Variants in SERF1B observed in about 807,000 individuals in gnomAD.
SERF1B encodes the protein small EDRK-rich factor 1B, also known as small EDRK-rich factor 1.
chr5:70,036,594 T>TACACACACAC (rs1212936359), intron 2 of SERF1B, among the ~76,000 whole-genome samples: 22 of 106,380 alleles, frequency 2.1e-4, no homozygotes, highest in African/African-American at 8.9e-4. Flanking sequence ...TCTCAAAACA[T>TACACACACAC]ACACACACAC....
intron 2 of SERF1B, among the ~76,000 whole-genome samples, chr5:70,035,300 C>T (rs1227622287): frequency 2.4e-5 from 3 of 125,698 alleles, no homozygotes; most frequent in East Asian, 4.4e-4. Flanking sequence ...CTGCCTGCTT[C>T]GGCCTCCCAA....
At chr5:70,038,200 C>G (rs1774225044) in intron 2 of SERF1B, among the ~76,000 whole-genome samples, 1 of 151,094 alleles carries the variant, frequency 6.6e-6, no homozygotes, top group South Asian at 2.1e-4. Context: ...AAGTTTTTGT[C>G]AAATACTTTT....
At chr5:70,040,972 T>C (rs571198504) in intron 2 of SERF1B, among the ~76,000 whole-genome samples, 2 of 151,772 alleles carry the variant, frequency 1.3e-5, no homozygotes, top group East Asian at 3.9e-4. Context: ...CGTAACATTT[T>C]TATATATCTT....
chr5:70,041,110 GTTGTTT>G lies in SERF1B; in HGVS notation c.117-406_117-401del, dbSNP rs1394702106. 8.8e-5 allele frequency among the ~76,000 whole-genome samples: 13 copies of G among 147,828 alleles called. No individual in the cohort carries two copies. The South Asian group carries it at 1.1e-3, about 12-fold the overall frequency. On this transcript the variant is annotated intron_variant, in intron 2 of 2. Coordinates refer to ENST00000380750, the MANE Select transcript of SERF1B (RefSeq NM_022978.3). Reference sequence around the variant, plus strand: ...GGTACCATCAAACAATTGCATTTTTGTTGTTTTTGTTTTAGTTTGTTTTTAATGACC... The same window carrying G: ...GGTACCATCAAACAATTGCATTTTTGTTGTTTTAGTTTGTTTTTAATGACC...
chr5:70,029,087 G>T (rs1774106578), intron 2 of SERF1B, among the ~76,000 whole-genome samples: 1 of 151,918 alleles, frequency 6.6e-6, no homozygotes, highest in South Asian at 2.1e-4. Flanking sequence ...TTGGTCAGAG[G>T]TCGAGCATTA....
intron 2 of SERF1B, among the ~76,000 whole-genome samples, chr5:70,028,933 C>T (rs1390491211): frequency 2.7e-5 from 4 of 149,880 alleles, no homozygotes; most frequent in South Asian, 4.3e-4. Flanking sequence ...GCTGAGATCG[C>T]GCCACCGCAC....
At chr5:70,029,238 C>T (rs1425787655) in intron 2 of SERF1B, among the ~76,000 whole-genome samples, 79 of 151,744 alleles carry the variant, frequency 5.2e-4, no homozygotes, top group African/African-American at 1.8e-3. Context: ...TGGGCTTAAG[C>T]GATTCTCCTG....
Position 70,041,419 on chromosome 5 carries a change from T to C in SERF1B, c.117-105T>C, listed in dbSNP as rs1381409918. 3.4e-5 allele frequency: 23 copies of C among 674,406 alleles called. No homozygotes were observed. The African/African-American group carries it at 3.4e-4, about 10-fold the overall frequency. 41.8% of individuals were successfully genotyped at this position (674,406 alleles called of 1,614,324 possible). On this transcript the variant is annotated intron_variant, in intron 2 of 2. Coordinates refer to ENST00000380750, the MANE Select transcript of SERF1B (RefSeq NM_022978.3). ...TCATGCAAACATGCATACACACACATACACATAAATAAGGGGTGTGGGAAT... is the reference window on the plus strand; with the variant it reads ...TCATGCAAACATGCATACACACACACACACATAAATAAGGGGTGTGGGAAT...
At chr5:70,029,252 C>T (rs1580714586) in intron 2 of SERF1B, among the ~76,000 whole-genome samples, 1 of 151,720 alleles carries the variant, frequency 6.6e-6, no homozygotes, top group Non-Finnish European at 1.5e-5. Context: ...TCTCCTGCGT[C>T]AGCAATCCAA....
chr5:70,037,939 C>G lies in SERF1B; in HGVS notation c.117-3585C>G, dbSNP rs536763888. On this transcript the variant is annotated intron_variant, in intron 2 of 2. Transcript: ENST00000380750. ...CTGCACCACTGCACTCTAGCCTGAG[C>G]AACAGAACAAGACTCTGTCTCAAAA... Among the ~76,000 whole-genome samples, 829 of 107,722 alleles carry G rather than the reference C, an allele frequency of 7.7e-3. 52 individuals carry two copies. Among genetic ancestry groups the G allele is most frequent in the African/African-American group, 0.041 (796 of 19,348 alleles). The allele number at this position is 107,722 out of a possible 152,430, so 70.7% of individuals were successfully genotyped here. A position where few individuals can be genotyped will look rare whatever the true frequency, so the allele number is the denominator to read the frequency against.
At chr5:70,028,559 A>AT (rs1466838888) in intron 2 of SERF1B, among the ~76,000 whole-genome samples, 74 of 134,112 alleles carry the variant, frequency 5.5e-4, no homozygotes, top group Admixed American at 2.7e-3. Flanking sequence ...TCTCAAAAAA[A>AT]AAAAAAGCCA....
intron 2 of SERF1B, among the ~76,000 whole-genome samples, chr5:70,029,261 A>G (rs2112440543): frequency 6.6e-6 from 1 of 151,870 alleles, no homozygotes; most frequent in African/African-American, 2.4e-5. Context: ...TCAGCAATCC[A>G]AGTAGCTGGA....
intron 2 of SERF1B, among the ~76,000 whole-genome samples, chr5:70,035,384 T>TTTA (rs1554065475): frequency 1.6e-5 from 2 of 125,788 alleles, no homozygotes; most frequent in East Asian, 2.1e-4. Context: ...ATTATTATTA[T>TTTA]TTTTTTTTTT....
chr5:70,036,629 A>ACACACACTCTCTCTCTCTCTCT (rs763495681), intron 2 of SERF1B, among the ~76,000 whole-genome samples: 1 of 49,838 alleles, frequency 2.0e-5, no homozygotes, highest in Non-Finnish European at 4.4e-5. Flanking sequence ...ACACACACAC[A>ACACACACTCTCTCTCTCTCTCT]CTCTCTCTCT....
intron 2 of SERF1B, among the ~76,000 whole-genome samples, chr5:70,041,182 T>G (rs1176617568): frequency 6.7e-6 from 1 of 148,828 alleles, no homozygotes; most frequent in Non-Finnish European, 1.5e-5. Flanking sequence ...GTTCCATTGC[T>G]CCATACCAGC....
At chr5:70,035,383 A>ATTATTTTTT (rs1554065471) in intron 2 of SERF1B, among the ~76,000 whole-genome samples, 4 of 136,566 alleles carry the variant, frequency 2.9e-5, no homozygotes, top group South Asian at 2.2e-4. Context: ...TATTATTATT[A>ATTATTTTTT]TTTTTTTTTT....
rs763662756 is a variant in SERF1B, at chr5:70,041,924, CTTTT to C, written c.*198_*201del. On this transcript the variant is annotated 3_prime_UTR_variant, in exon 3 of 3. Coordinates refer to ENST00000380750, the MANE Select transcript of SERF1B (RefSeq NM_022978.3). ...TAGGAAACTTAGATGTAACTTAGCA[CTTTT>C]TTTTTTTTTTTTTGAGATGGAGTCT... 225 of 535,862 alleles carry C rather than the reference CTTTT, an allele frequency of 4.2e-4. No individual in the cohort carries two copies. The highest frequency in any genetic ancestry group is 5.7e-4 in the Admixed American group (17 of 29,690). 33.2% of individuals were successfully genotyped at this position (535,862 alleles called of 1,614,324 possible). A position where few individuals can be genotyped will look rare whatever the true frequency, so the allele number is the denominator to read the frequency against.
At chr5:70,028,803 C>G (rs2112439218) in intron 2 of SERF1B, among the ~76,000 whole-genome samples, 1 of 148,124 alleles carries the variant, frequency 6.8e-6, no homozygotes, top group South Asian at 2.1e-4. Flanking sequence ...CGGTGAATCC[C>G]TGTCCGTACT....
chr5:70,036,594 T>TACACACACACACACAC (rs1212936359), intron 2 of SERF1B, among the ~76,000 whole-genome samples: 9 of 106,428 alleles, frequency 8.5e-5, no homozygotes, highest in African/African-American at 4.4e-4. Context: ...TCTCAAAACA[T>TACACACACACACACAC]ACACACACAC....
Sources: gnomAD v4.1 joint callset for allele counts (sites outside exome capture counted in the v4.1 genomes callset) on GRCh38, gnomAD v4.1.1 for gene constraint, MANE v1.5 for transcripts, NCBI Gene and HGNC (gene_info 2026-07-23, HGNC 2026-07-21) for gene names.